Variants in HECTD4 observed in about 807,000 individuals in gnomAD.
HECTD4 encodes the protein HECT domain E3 ubiquitin protein ligase 4.
In HECTD4, 114 loss-of-function variants were observed where a neutral mutation model predicts 471.5. That is an observed-to-expected ratio of 0.24 (90% confidence interval 0.21 to 0.28). The LOEUF (loss-of-function observed/expected upper bound fraction) is 0.28. Ranked by LOEUF, HECTD4 falls within the 10% of genes least tolerant of loss-of-function variation. The pLI, the probability that HECTD4 is intolerant of heterozygous loss-of-function variation, is 1.00. For missense variants in HECTD4, 3,866 were observed against 5,651.5 expected (o/e 0.68, Z 10.13); for synonymous variants, 2,012 against 2,256.0 (o/e 0.89, Z 3.07).
At chr12:112,280,015 G>C (rs2034600194) in intron 8 of HECTD4, among the ~76,000 whole-genome samples, 2 of 152,074 alleles carry the variant, frequency 1.3e-5, no homozygotes, top group African/African-American at 2.4e-5. Flanking sequence ...TAGATTTTTA[G>C]ATTTGGGATG....
At position 112,235,389 on chromosome 12, in the gene HECTD4, G is replaced by A. The variant is rs1346311704; in HGVS notation, c.5725+115C>T. 1.1e-5 allele frequency: 16 copies of A among 1,477,022 alleles called. No individual in the cohort carries two copies. The Admixed American group carries it at 2.3e-4, about 22-fold the overall frequency. The allele number at this position is 1,477,022 out of a possible 1,614,324, so 91.5% of individuals were successfully genotyped here. On this transcript the variant is annotated intron_variant, in intron 36 of 75. Coordinates refer to ENST00000682272, the MANE Select transcript of HECTD4 (RefSeq NM_001388303.1). This position sits in a 1 kb window ranked among gnomAD's most constrained non-coding sequence, Gnocchi z 5.0. ...TTCCCCCTTCTCTATTCCTGTCCCC[G>A]CTCCCTTCTCTGTCACTCACTCTTT...
At chr12:112,227,967 G>T in intron 43 of HECTD4, 122 bp downstream of exon 43, 1 of 860,578 alleles carries the variant, frequency 1.2e-6, no homozygotes, top group Non-Finnish European at 1.8e-6. Flanking sequence ...CTGTTGCTCA[G>T]TTTAGTGTGA....
chr12:112,310,340 G>A (rs1334248215), intron 4 of HECTD4, among the ~76,000 whole-genome samples: 1 of 152,144 alleles, frequency 6.6e-6, no homozygotes, highest in African/African-American at 2.4e-5. Flanking sequence ...TCTCTGGAGG[G>A]ACAAAGCACA....
chr12:112,254,003 A>T (rs758035783), intron 22 of HECTD4, 40 bp downstream of exon 22: 1 of 1,610,112 alleles, frequency 6.2e-7, no homozygotes, highest in East Asian at 2.2e-5. Context: ...CTGCAAGTTC[A>T]TTTTCTTTTC....
At chr12:112,355,266 C>T (rs558663422) in intron 1 of HECTD4, among the ~76,000 whole-genome samples, 9 of 139,294 alleles carry the variant, frequency 6.5e-5, no homozygotes, top group South Asian at 2.3e-4. Context: ...TGAGCCACCG[C>T]GCCGGGCGCC....
intron 1 of HECTD4, among the ~76,000 whole-genome samples, chr12:112,330,491 T>C (rs1305124307): frequency 2.6e-5 from 4 of 152,112 alleles, no homozygotes; most frequent in Admixed American, 2.6e-4. Flanking sequence ...GGTAAGAAAA[T>C]CACTATTGAC....
chr12:112,264,104 C>T lies in HECTD4; in HGVS notation c.2728G>A (p.Gly910Arg), dbSNP rs1157120964. 6.2e-7 allele frequency: 1 copy of T among 1,609,820 alleles called. No homozygotes were observed. The highest frequency in any genetic ancestry group is 1.1e-5 in the South Asian group (1 of 89,840). Reference protein sequence around the residue: ...ENDDSDSSLQGETLKVQELKV... With the variant: ...ENDDSDSSLQRETLKVQELKV... ...TTTACCTGTACCTTCAATGTCTCTCCCTGCAAGGAGCTGTCACTGTCATCA... is the reference window on the plus strand; with the variant it reads ...TTTACCTGTACCTTCAATGTCTCTCTCTGCAAGGAGCTGTCACTGTCATCA... Residue 910 changes from glycine to arginine, a missense_variant, in exon 17 of 76, where the codon GGA becomes AGA. This residue lies in a region of HECTD4 where 525 missense variants were observed against 672.6 expected (regional missense o/e 0.78). Coordinates refer to ENST00000682272, the MANE Select transcript of HECTD4 (RefSeq NM_001388303.1).
rs1566082679 is a variant in HECTD4, at chr12:112,236,212, T to C, written c.5445-428A>G. On this transcript the variant is annotated intron_variant, in intron 35 of 75. Transcript: ENST00000682272. ...ATGAGTTACAGAAGCTTATCTACCA[T>C]CTTGAGGTTACAGAAAGAATGGGGG... Among the ~76,000 whole-genome samples, 3 of 152,316 alleles carry C rather than the reference T, an allele frequency of 2.0e-5. No individual in the cohort carries two copies. In the East Asian group the frequency reaches 5.8e-4, roughly 29 times the overall value.
At chr12:112,356,219 G>A (rs1271515675) in intron 1 of HECTD4, among the ~76,000 whole-genome samples, 1 of 152,098 alleles carries the variant, frequency 6.6e-6, no homozygotes. Flanking sequence ...AATCAGTACA[G>A]TGATACTCTA....
At chr12:112,270,562 A>T in intron 11 of HECTD4, 103 bp from the exon 12 acceptor site, 1 of 938,778 alleles carries the variant, frequency 1.1e-6, no homozygotes, top group South Asian at 1.5e-5. Context: ...CTAGAAAAGG[A>T]TATTTTGGCT....
At position 112,195,022 on chromosome 12, in the gene HECTD4, C is replaced by A; in HGVS notation, c.8612G>T (p.Arg2871Leu). 1 of 1,609,210 alleles carries A rather than the reference C, an allele frequency of 6.2e-7. No homozygotes were observed. The highest frequency in any genetic ancestry group is 8.5e-7 in the Non-Finnish European group (1 of 1,177,960). ...GGCGAAGATATTGAGCAGGGCCATG[C>A]GGCAGTACAGCCTGGCCAGCGCAGC... ...CEAALARLYCRMALLNIFAPK... is the reference protein window; with the variant it reads ...CEAALARLYCLMALLNIFAPK... Residue 2871 changes from arginine to leucine, a missense_variant, in exon 56 of 76, where the codon CGC becomes CTC. Transcript: ENST00000682272.
intron 11 of HECTD4, among the ~76,000 whole-genome samples, chr12:112,272,790 C>T (rs1200755711): frequency 6.6e-6 from 1 of 152,170 alleles, no homozygotes; most frequent in Non-Finnish European, 1.5e-5. Flanking sequence ...TGTTTGCCAC[C>T]AAGATGACTA....
chr12:112,233,214 CT>C (rs546999938), intron 37 of HECTD4, 129 bp from the exon 38 acceptor site: 22,743 of 234,668 alleles, frequency 0.097, 5 homozygotes, highest in South Asian at 0.15. Context: ...CTAACATTAG[CT>C]TTTTTTTTTT....
rs548975013 is a variant in HECTD4 at position 112,264,570 on chromosome 12, G to T, written c.2620-358C>A. Among the ~76,000 whole-genome samples the T allele has an allele frequency of 2.6e-5, 4 of 151,992 alleles. No homozygotes were observed. The South Asian group carries it at 8.3e-4, about 32-fold the overall frequency. On this transcript the variant is annotated intron_variant, in intron 16 of 75. Coordinates refer to ENST00000682272, the MANE Select transcript of HECTD4 (RefSeq NM_001388303.1). ...TATTGGTCTCTATAAAACACTCATG[G>T]TTTAGAAAACAATGTAAAATTAAAA...
intron 1 of HECTD4, among the ~76,000 whole-genome samples, chr12:112,343,801 A>G (rs1342808793): frequency 6.6e-6 from 1 of 152,184 alleles, no homozygotes; most frequent in Non-Finnish European, 1.5e-5. Context: ...AAATCAACCT[A>G]AAATATTTAC....
Position 112,184,991 on chromosome 12 carries a change from C to G in HECTD4, c.9975G>C (p.Ser3325=), listed in dbSNP as rs367866576. 6.2e-7 allele frequency: 1 copy of G among 1,611,886 alleles called. No individual in the cohort carries two copies. The highest frequency in any genetic ancestry group is 8.5e-7 in the Non-Finnish European group (1 of 1,179,104). ...VKMKREKASS[S]GKRQSSRTVD... ...CGGTGCGGGAAGACTGGCGCTTGCC[C>G]GACGAGGAGGCCTTTTCCCGCTTCA... The change falls in exon 61 of 76, where the codon TCG becomes TCC. Residue 3325 remains serine, a synonymous_variant. Coordinates refer to ENST00000682272, the MANE Select transcript of HECTD4 (RefSeq NM_001388303.1). This position sits in a 1 kb window ranked among gnomAD's most constrained non-coding sequence, Gnocchi z 9.1.
In HECTD4 at chr12:112,269,718, G is replaced by A; in HGVS notation, c.2307C>T (p.Val769=). ...DQICPEIQKE[V]CLAISSGLNI... is the part of the protein sequence containing the mutation. ...TAGCTGTTTACCTGATGGCAAGGCA[G>A]ACTTCCTTCTGAATTTCAGGGCAAA... Residue 769 remains valine, a synonymous_variant, in exon 13 of 76, where the codon GTC becomes GTT. Coordinates refer to ENST00000682272, the MANE Select transcript of HECTD4 (RefSeq NM_001388303.1). The A allele has an allele frequency of 3.1e-6, 5 of 1,613,970 alleles. No homozygotes were observed. The highest frequency in any genetic ancestry group is 4.2e-6 in the Non-Finnish European group (5 of 1,179,866).
At position 112,212,359 on chromosome 12, in the gene HECTD4, C is replaced by G; in HGVS notation, c.7629+128G>C. 9 of 741,796 alleles carry G rather than the reference C, an allele frequency of 1.2e-5. 1 individual carries two copies. The South Asian group carries it at 1.6e-4, about 13-fold the overall frequency. 46.0% of individuals were successfully genotyped at this position (741,796 alleles called of 1,614,324 possible). ...CACACTTGCTCAAGCTGGCTCTGCC[C>G]TTCCTCTGCCATTGTGTACCAATAT... On this transcript the variant is annotated intron_variant, in intron 49 of 75. Coordinates refer to ENST00000682272, the MANE Select transcript of HECTD4 (RefSeq NM_001388303.1).
In HECTD4 at chr12:112,320,220, G is replaced by A. The variant is rs1277789908; in HGVS notation, c.178-478C>T. ...CTTGGTGGTGTGCACCTGTCGTTGCGGCTACTTGGGAGACTGAGGTGGGAG... is the reference window on the plus strand; with the variant it reads ...CTTGGTGGTGTGCACCTGTCGTTGCAGCTACTTGGGAGACTGAGGTGGGAG... On this transcript the variant is annotated intron_variant, in intron 1 of 75. Transcript: ENST00000682272. Among the ~76,000 whole-genome samples, 4 of 151,742 alleles carry A rather than the reference G, an allele frequency of 2.6e-5. No homozygotes were observed. In the South Asian group the frequency reaches 6.2e-4, roughly 24 times the overall value.
Sources: gnomAD v4.1 joint callset for allele counts (sites outside exome capture counted in the v4.1 genomes callset) on GRCh38, gnomAD v4.1.1 for gene constraint, gnomAD v4.1.1 regional missense constraint, Gnocchi (gnomAD v3.1) non-coding constraint, MANE v1.5 for transcripts, NCBI Gene and HGNC (gene_info 2026-07-23, HGNC 2026-07-21) for gene names.